GPC6: variants seen among roughly 807,000 people sequenced by gnomAD.
GPC6 encodes glypican-6.
A neutral mutation model predicts 55.2 loss-of-function variants in GPC6; 14 were observed. The observed-to-expected ratio is 0.25, with a 90% confidence interval of 0.17 to 0.40. The LOEUF (loss-of-function observed/expected upper bound fraction) is 0.40, where lower values mean the gene tolerates loss of function less well. Ranked by LOEUF, GPC6 falls within the 10% of genes least tolerant of loss-of-function variation. The pLI, the probability that GPC6 is intolerant of heterozygous loss-of-function variation, is 1.00. For synonymous variants in GPC6, 278 were observed against 259.6 expected (o/e 1.07, Z -0.68); for missense variants, 641 against 708.5 (o/e 0.90, Z 1.08).
intron 4 of GPC6, among the ~76,000 whole-genome samples, chr13:94,177,047 A>G (rs939259338): frequency 5.3e-5 from 8 of 152,248 alleles, no homozygotes; most frequent in African/African-American, 1.9e-4. Flanking sequence ...GGTTATATGT[A>G]TCCTCTTTTT....
chr13:93,252,451 A>T (rs7318204), intron 1 of GPC6, among the ~76,000 whole-genome samples: 3,362 of 152,280 alleles, frequency 0.022, 122 homozygotes, highest in African/African-American at 0.077. Context: ...GACAATGCTG[A>T]TGTCTTCCCT....
At chr13:93,622,934 T>C (rs912450800) in intron 2 of GPC6, among the ~76,000 whole-genome samples, 18 of 152,214 alleles carry the variant, frequency 1.2e-4, no homozygotes, top group African/African-American at 4.3e-4. Context: ...CCCCAGCCTC[T>C]GTTAACTACT....
chr13:93,447,031 A>G (rs1283239336), intron 1 of GPC6, among the ~76,000 whole-genome samples: 1 of 152,186 alleles, frequency 6.6e-6, no homozygotes, highest in Non-Finnish European at 1.5e-5. Flanking sequence ...CCTGCCTTAC[A>G]TCACAGAGTA....
At chr13:94,015,641 G>T (rs574541262) in intron 3 of GPC6, among the ~76,000 whole-genome samples, 87 of 152,102 alleles carry the variant, frequency 5.7e-4, no homozygotes, top group Middle Eastern at 3.4e-3. Flanking sequence ...TTATATTTAG[G>T]TCATAGATCC....
intron 3 of GPC6, among the ~76,000 whole-genome samples, chr13:93,900,941 T>C (rs1258574477): frequency 1.3e-5 from 2 of 152,190 alleles, no homozygotes; most frequent in African/African-American, 2.4e-5. Context: ...TTCTGTTAGA[T>C]GAGGCCCAGC....
chr13:93,511,222 T>C (rs1406846693), intron 1 of GPC6, among the ~76,000 whole-genome samples: 2 of 151,232 alleles, frequency 1.3e-5, no homozygotes, highest in African/African-American at 4.8e-5. Flanking sequence ...TCCTAGATTT[T>C]ATTGTCTGAT....
intron 5 of GPC6, 77 bp downstream of exon 5, chr13:94,286,556 TA>T: frequency 1.8e-6 from 1 of 557,916 alleles, no homozygotes. Context: ...AGTAACTAGA[TA>T]TGTCGGCTGG....
intron 4 of GPC6, among the ~76,000 whole-genome samples, chr13:94,079,590 A>T (rs895164447): frequency 2.6e-5 from 4 of 152,116 alleles, no homozygotes; most frequent in Admixed American, 6.5e-5. Flanking sequence ...GTTGCTTTAC[A>T]CTTTAATATT....
chr13:93,462,463 C>T (rs1479728233), intron 1 of GPC6, among the ~76,000 whole-genome samples: 4 of 152,024 alleles, frequency 2.6e-5, no homozygotes, highest in African/African-American at 9.7e-5. Context: ...TCCAATGTTA[C>T]ATTAGGATTG....
chr13:93,364,005 G>GT (rs1881148319), intron 1 of GPC6, among the ~76,000 whole-genome samples: 1 of 151,958 alleles, frequency 6.6e-6, no homozygotes, highest in Non-Finnish European at 1.5e-5. Flanking sequence ...TTGTAAATTT[G>GT]TTTGAGTTCA....
At chr13:93,267,386 G>A (rs1290842974) in intron 1 of GPC6, among the ~76,000 whole-genome samples, 2 of 141,934 alleles carry the variant, frequency 1.4e-5, no homozygotes, top group Admixed American at 7.4e-5. Context: ...GTTTTCCACA[G>A]GAGAGGGTTT....
intron 4 of GPC6, among the ~76,000 whole-genome samples, chr13:94,281,420 C>T (rs766252853): frequency 2.0e-5 from 3 of 152,064 alleles, no homozygotes; most frequent in Admixed American, 1.3e-4. Flanking sequence ...CCCTGAATAT[C>T]ATATCATTTT....
At chr13:93,611,839 A>T (rs1021161022) in intron 2 of GPC6, among the ~76,000 whole-genome samples, 2 of 152,210 alleles carry the variant, frequency 1.3e-5, no homozygotes, top group African/African-American at 4.8e-5. Flanking sequence ...ATGCAAAGCT[A>T]ACTATGTAAA....
intron 4 of GPC6, among the ~76,000 whole-genome samples, chr13:94,219,632 C>G (rs908839595): frequency 3.3e-5 from 5 of 152,208 alleles, no homozygotes; most frequent in East Asian, 1.9e-4. Context: ...GCACAGAAGC[C>G]AATACTATGT....
At chr13:94,206,488 G>A (rs1285051841) in intron 4 of GPC6, among the ~76,000 whole-genome samples, 1 of 152,066 alleles carries the variant, frequency 6.6e-6, no homozygotes, top group East Asian at 1.9e-4. Flanking sequence ...TATATTTCAT[G>A]ATGCTTTGAC....
intron 2 of GPC6, among the ~76,000 whole-genome samples, chr13:93,620,564 T>G (rs142496071): frequency 9.7e-4 from 148 of 152,320 alleles, no homozygotes; most frequent in African/African-American, 3.4e-3. Context: ...GTGTTCTTAT[T>G]TATACCGAAG....
intron 2 of GPC6, among the ~76,000 whole-genome samples, chr13:93,709,444 A>T (rs755960087): frequency 6.6e-6 from 1 of 151,742 alleles, no homozygotes. Flanking sequence ...AGGCAGCATT[A>T]TTCTTAGAAA....
rs1426318451 is a variant in GPC6 at position 93,812,841 on chromosome 13, G to A, written c.320-17313G>A. On this transcript the variant is annotated intron_variant, in intron 2 of 8. Transcript: ENST00000377047. ...ATTCTCATAACACTCTATCAGGAAG[G>A]GACTATTATTATTTGCATTTTAGAG... is the stretch of plus-strand genomic sequence containing the variant. Among the ~76,000 whole-genome samples the A allele has an allele frequency of 2.6e-5, 4 of 152,028 alleles. No homozygotes were observed. In the East Asian group the frequency reaches 7.7e-4, roughly 29 times the overall value.
At chr13:94,336,217 TC>T (rs1877691951) in intron 6 of GPC6, among the ~76,000 whole-genome samples, 1 of 152,096 alleles carries the variant, frequency 6.6e-6, no homozygotes, top group Non-Finnish European at 1.5e-5. Context: ...AATTGTTTAA[TC>T]CCAAAGGATA....
Sources: gnomAD v4.1 joint callset for allele counts (sites outside exome capture counted in the v4.1 genomes callset) on GRCh38, gnomAD v4.1.1 for gene constraint, MANE v1.5 for transcripts, NCBI Gene and HGNC (gene_info 2026-07-23, HGNC 2026-07-21) for gene names.